EYA2: variants seen among roughly 807,000 people sequenced by gnomAD.
EYA2 encodes protein phosphatase EYA2.
Under a neutral mutation model 69.2 loss-of-function variants are expected in EYA2, and 31 were observed. The ratio of observed to expected loss-of-function variants is 0.45; its 90% CI spans 0.34 to 0.60. The LOEUF (loss-of-function observed/expected upper bound fraction) is 0.60. Among genes scored for constraint, EYA2 ranks in the 20% least tolerant of loss-of-function variants. The probability of loss-of-function intolerance (pLI) is 0.02; values close to 1 mark genes in which losing one functional copy is unlikely to be tolerated. For missense variants in EYA2, 622 were observed against 701.2 expected, an observed-to-expected ratio of 0.89 and a Z score of 1.28; for synonymous variants, 257 against 279.4, an observed-to-expected ratio of 0.92 and a Z score of 0.80.
chr20:47,024,100 G>A (rs952121222), intron 5 of EYA2, among the ~76,000 whole-genome samples: 14 of 152,154 alleles, frequency 9.2e-5, no homozygotes, highest in Middle Eastern at 3.4e-3. Flanking sequence ...TCTCCATGTC[G>A]AAAATCATAT....
chr20:46,915,956 G>C lies in EYA2; in HGVS notation c.-11+20969G>C, dbSNP rs1448729288. On this transcript the variant is annotated intron_variant, in intron 1 of 15. Transcript: ENST00000327619. ...GAAAAGTGAAGTATTTCTTGAAACTGTGTCTCTATCAAAAAGAAGGAAACA... is the reference window on the plus strand; with the variant it reads ...GAAAAGTGAAGTATTTCTTGAAACTCTGTCTCTATCAAAAAGAAGGAAACA... Among the ~76,000 whole-genome samples the C allele has an allele frequency of 3.3e-5, 5 of 152,148 alleles. 1 individual carries two copies. Among genetic ancestry groups the C allele is most frequent in the Admixed American group, 3.3e-4 (5 of 15,280 alleles).
At chr20:47,007,018 A>G (rs976386747) in intron 4 of EYA2, among the ~76,000 whole-genome samples, 4 of 152,176 alleles carry the variant, frequency 2.6e-5, no homozygotes, top group Admixed American at 1.3e-4. Flanking sequence ...CAAGCTCAAC[A>G]TCACAGGCTC....
intron 1 of EYA2, among the ~76,000 whole-genome samples, chr20:46,911,485 G>T (rs188538215): frequency 6.6e-6 from 1 of 152,194 alleles, no homozygotes; most frequent in Admixed American, 6.5e-5. Context: ...AAGTGGACTT[G>T]CCAACCATTG....
chr20:47,164,142 C>G (rs534567792), intron 10 of EYA2, among the ~76,000 whole-genome samples: 2 of 152,092 alleles, frequency 1.3e-5, no homozygotes, highest in Non-Finnish European at 2.9e-5. Context: ...CGCTGAGGGT[C>G]GTGGGATTCT....
chr20:46,981,091 C>T (rs181968179), intron 1 of EYA2, among the ~76,000 whole-genome samples: 1 of 152,268 alleles, frequency 6.6e-6, no homozygotes, highest in East Asian at 1.9e-4. Flanking sequence ...AATGATTTCA[C>T]GTTTTCTTGG....
At chr20:47,168,037 C>T (rs2034240671) in intron 10 of EYA2, among the ~76,000 whole-genome samples, 1 of 152,194 alleles carries the variant, frequency 6.6e-6, no homozygotes, top group African/African-American at 2.4e-5. Flanking sequence ...AGAGACAGCA[C>T]CTCTTCCAAA....
At chr20:47,099,975 G>A (rs554790998) in intron 9 of EYA2, among the ~76,000 whole-genome samples, 15 of 151,504 alleles carry the variant, frequency 9.9e-5, no homozygotes, top group African/African-American at 3.4e-4. Flanking sequence ...TGATCCCCTA[G>A]AATGTTAAGC....
chr20:47,035,636 G>A (rs1174266253), intron 5 of EYA2, among the ~76,000 whole-genome samples: 1 of 152,128 alleles, frequency 6.6e-6, no homozygotes, highest in Non-Finnish European at 1.5e-5. Context: ...GTGTTTGTCT[G>A]ACAAATACCT....
chr20:47,091,303 A>G (rs919050597), intron 8 of EYA2, among the ~76,000 whole-genome samples: 4 of 152,130 alleles, frequency 2.6e-5, no homozygotes, highest in African/African-American at 9.6e-5. Context: ...GGCCCCTGCC[A>G]CCTTCATTGT....
At position 47,027,609 on chromosome 20, in the gene EYA2, C is replaced by G. The variant is rs536915008; in HGVS notation, c.415+11312C>G. On this transcript the variant is annotated intron_variant, in intron 5 of 15. Coordinates refer to ENST00000327619, the MANE Select transcript of EYA2 (RefSeq NM_005244.5). The stretch of plus-strand genomic sequence containing the variant: ...ACAAGTTAGATTTGGTCACCCCTAT[C>G]TCCAAAAGCCACTGGAGGTAACAGG... Among the ~76,000 whole-genome samples the G allele has an allele frequency of 3.3e-4, 50 of 152,322 alleles. 1 individual carries two copies. Among genetic ancestry groups the G allele is most frequent in the African/African-American group, 1.2e-3 (50 of 41,568 alleles).
chr20:47,039,462 G>A (rs931479059), intron 5 of EYA2, among the ~76,000 whole-genome samples: 12 of 152,242 alleles, frequency 7.9e-5, no homozygotes, highest in Non-Finnish European at 1.2e-4. Context: ...AGACCATGTG[G>A]CCAAAGTAGA....
chr20:46,915,198 AG>A (rs1372937942), intron 1 of EYA2, among the ~76,000 whole-genome samples: 1 of 152,182 alleles, frequency 6.6e-6, no homozygotes, highest in Non-Finnish European at 1.5e-5. Flanking sequence ...CCCAGATGTG[AG>A]CCCATTCGGG....
intron 1 of EYA2, among the ~76,000 whole-genome samples, chr20:46,914,155 T>TG (rs1278211121): frequency 1.5e-4 from 23 of 152,228 alleles, no homozygotes; most frequent in Admixed American, 2.0e-4. Context: ...CGGTTAACGC[T>TG]GGACACACAT....
chr20:46,998,754 C>T (rs1028547794), intron 2 of EYA2, among the ~76,000 whole-genome samples: 3 of 152,224 alleles, frequency 2.0e-5, no homozygotes, highest in Non-Finnish European at 4.4e-5. Flanking sequence ...TTAATACACT[C>T]ACTCTCCAGT....
At chr20:47,019,515 C>G (rs1313649462) in intron 5 of EYA2, among the ~76,000 whole-genome samples, 1 of 151,788 alleles carries the variant, frequency 6.6e-6, no homozygotes, top group Non-Finnish European at 1.5e-5. Flanking sequence ...GAAATAAACT[C>G]TCGAACTACT....
intron 5 of EYA2, among the ~76,000 whole-genome samples, chr20:47,063,392 CGT>C (rs35187186): frequency 0.32 from 45,432 of 143,220 alleles, 7,238 homozygotes; most frequent in East Asian, 0.36. Flanking sequence ...TGTGCGTGTG[CGT>C]GTGTGTGTGT....
intron 9 of EYA2, among the ~76,000 whole-genome samples, chr20:47,103,600 A>G (rs1285671686): frequency 6.6e-6 from 1 of 152,170 alleles, no homozygotes; most frequent in South Asian, 2.1e-4. Flanking sequence ...AGGCAGTAGG[A>G]GAGAGAAAGT....
chr20:47,141,001 C>A (rs1190246588), intron 9 of EYA2, among the ~76,000 whole-genome samples: 1 of 152,184 alleles, frequency 6.6e-6, no homozygotes, highest in Non-Finnish European at 1.5e-5. Flanking sequence ...CACTGACTCT[C>A]ATGGGAAGGC....
intron 1 of EYA2, among the ~76,000 whole-genome samples, chr20:46,940,061 A>C (rs572529405): frequency 6.6e-6 from 1 of 152,242 alleles, no homozygotes; most frequent in Non-Finnish European, 1.5e-5. Context: ...GCAAAGATAC[A>C]CAAGAAATAT....
Sources: allele counts gnomAD v4.1 joint callset (sites outside exome capture counted in the v4.1 genomes callset), GRCh38; gene constraint gnomAD v4.1.1; transcripts MANE v1.5; gene names NCBI Gene and HGNC (gene_info 2026-07-23, HGNC 2026-07-21).